The following RANBP1 variants were observed in gnomAD, a reference collection of about 807,000 sequenced individuals.
The protein encoded by RANBP1 is RAN binding protein 1, also known as ran-specific GTPase-activating protein.
A neutral mutation model predicts 31.4 loss-of-function variants in RANBP1; 16 were observed. That is an observed-to-expected ratio of 0.51 (90% confidence interval 0.34 to 0.77). RANBP1 has a LOEUF of 0.77. Ranked by LOEUF, RANBP1 falls within the 30% of genes least tolerant of loss-of-function variation. The pLI is 0.01. For missense variants in RANBP1, 265 were observed against 362.0 expected, an observed-to-expected ratio of 0.73 and a Z score of 2.17; for synonymous variants, 129 against 140.5, an observed-to-expected ratio of 0.92 and a Z score of 0.58.
At chr22:20,116,764 C>A in intron 1 of RANBP1, 1 of 1,406,514 alleles carries the variant, frequency 7.1e-7, no homozygotes, top group Non-Finnish European at 9.7e-7. Context: ...CCATTCCCGT[C>A]TCCTTTCCTC....
chr22:20,125,637 A>G, intron 4 of RANBP1: 2 of 1,461,026 alleles, frequency 1.4e-6, no homozygotes, highest in Non-Finnish European at 1.8e-6. Context: ...CTTAAACTCA[A>G]AGCTGTGCCA....
intron 3 of RANBP1, among the ~76,000 whole-genome samples, chr22:20,123,893 G>A (rs547504050): frequency 2.6e-4 from 39 of 152,182 alleles, no homozygotes; most frequent in Non-Finnish European, 4.4e-4. Flanking sequence ...TGAGTGTCAT[G>A]CGTGTCCGGC....
At position 20,125,565 on chromosome 22, in the gene RANBP1, G is replaced by A. The variant is rs373462076; in HGVS notation, c.670+129G>A. The stretch of plus-strand genomic sequence containing the variant: ...AGTAACTGGGAAGTGTGTCGTGTGG[G>A]CTGCCCTGCCCTGCTGTTTGGGGGC... On this transcript the variant is annotated intron_variant, in intron 4 of 5. Transcript: ENST00000430524. 1.0e-5 allele frequency: 16 copies of A among 1,533,558 alleles called. No individual in the cohort carries two copies. In the African/African-American group the frequency reaches 2.2e-4, roughly 21 times the overall value. 95.0% of individuals were successfully genotyped at this position (1,533,558 alleles called of 1,614,324 possible). A position where few individuals can be genotyped will look rare whatever the true frequency, so the allele number is the denominator to read the frequency against.
intron 4 of RANBP1, 135 bp downstream of exon 4, chr22:20,125,571 C>T (rs969407506): frequency 3.3e-6 from 5 of 1,530,952 alleles, no homozygotes; most frequent in Admixed American, 2.0e-5. Flanking sequence ...GTGGGCTGCC[C>T]TGCCCTGCTG....
chr22:20,116,193 G>T lies in RANBP1; in HGVS notation c.9G>T (p.Ser3=). The part of the protein sequence containing the change: MG[S]ALGRARRTLS... ...GTCGCCTCCTCCTGGCCATGGGGTC[G>T]GCCTTGGGCCGGGCCAGGCGCACAC... Residue 3 remains serine, a synonymous_variant, in exon 1 of 6, where the codon TCG becomes TCT. Transcript: ENST00000430524. The T allele has an allele frequency of 6.2e-7, 1 of 1,613,036 alleles. No individual in the cohort carries two copies. The highest frequency in any genetic ancestry group is 8.5e-7 in the Non-Finnish European group (1 of 1,179,992).
chr22:20,125,019 C>T, intron 3 of RANBP1: 1 of 394,496 alleles, frequency 2.5e-6, no homozygotes. Flanking sequence ...TGATCTTGAA[C>T]ACAGCTCAGG....
chr22:20,117,927 G>A, intron 1 of RANBP1: 1 of 1,013,776 alleles, frequency 9.9e-7, no homozygotes, highest in Non-Finnish European at 1.2e-6. Flanking sequence ...GTTGGGGAGC[G>A]GCCGTCGCCA....
intron 1 of RANBP1, 67 bp from the exon 2 acceptor site, chr22:20,118,946 A>G: frequency 6.5e-7 from 1 of 1,541,858 alleles, no homozygotes; most frequent in Non-Finnish European, 8.8e-7. Context: ...CACTGCAGGC[A>G]CTGGTTGGGC....
In RANBP1 at chr22:20,126,914, G is replaced by A. The variant is rs749509177; in HGVS notation, c.737-38G>A. 27 of 1,602,944 alleles carry A rather than the reference G, an allele frequency of 1.7e-5. 1 individual carries two copies. Among genetic ancestry groups the A allele is most frequent in the East Asian group, 1.6e-4 (7 of 44,748 alleles). On this transcript the variant is annotated intron_variant, in intron 5 of 5. Coordinates refer to ENST00000430524, the MANE Select transcript of RANBP1 (RefSeq NM_001278639.2). ...CGAGGGCCATGTGCTTGAATGCACC[G>A]TGCTTCTGTTTTCTCACTGTGCTGC... is the stretch of plus-strand genomic sequence containing the variant.
chr22:20,118,337 C>T (rs918444728), intron 1 of RANBP1: 10 of 1,002,148 alleles, frequency 1.0e-5, no homozygotes, highest in African/African-American at 3.5e-5. Flanking sequence ...AAGACTCGAA[C>T]CTAAAATATG....
chr22:20,116,831 CG>C, intron 1 of RANBP1: 23 of 1,523,466 alleles, frequency 1.5e-5, no homozygotes, highest in Non-Finnish European at 1.9e-5. Flanking sequence ...TGACCCACCC[CG>C]CCTCCTCCCA....
rs939756639 is a variant in RANBP1 at position 20,119,882 on chromosome 22, C to G, written c.383+733C>G. Among the ~76,000 whole-genome samples, 8 of 152,278 alleles carry G rather than the reference C, an allele frequency of 5.3e-5. No homozygotes were observed. In the South Asian group the frequency reaches 1.7e-3, roughly 32 times the overall value. ...ATAGGTGATGGTTTAGTTATTAAAA[C>G]CACTTAAAAAAATTCTGTACATGTG... On this transcript the variant is annotated intron_variant, in intron 2 of 5. Coordinates refer to ENST00000430524, the MANE Select transcript of RANBP1 (RefSeq NM_001278639.2).
In RANBP1 at chr22:20,116,367, C is replaced by T. The variant is rs763979167; in HGVS notation, c.183C>T (p.Arg61=). The part of the protein sequence containing the change: ...WGCRPKRPRK[R]RTSLKLAWRG... ...GCAGACCAAAGCGGCCCAGGAAGCG[C>T]CGGACGTCGCTGAAGCTGGCGTGGC... Residue 61 remains arginine, a synonymous_variant, in exon 1 of 6, where the codon CGC becomes CGT. Transcript: ENST00000430524. The T allele has an allele frequency of 6.2e-7, 1 of 1,612,464 alleles. No homozygotes were observed. The highest frequency in any genetic ancestry group is 8.5e-7 in the Non-Finnish European group (1 of 1,179,554).
intron 1 of RANBP1, chr22:20,117,411 G>A: frequency 8.3e-7 from 1 of 1,210,448 alleles, no homozygotes; most frequent in Non-Finnish European, 1.0e-6. Flanking sequence ...GCGCGGGGCG[G>A]GCCGGACAAT....
intron 1 of RANBP1, chr22:20,117,905 A>G: frequency 6.9e-6 from 7 of 1,012,812 alleles, no homozygotes; most frequent in Non-Finnish European, 8.2e-6. Context: ...CCCCCGCGTG[A>G]CCTTGGGGTG....
chr22:20,116,335 T>C lies in RANBP1; in HGVS notation c.151T>C (p.Trp51Arg). The stretch of plus-strand genomic sequence containing the variant: ...TGGTTGCCCAAAGAGTTTGGTTTTG[T>C]GGGGCTGCAGACCAAAGCGGCCCAG... The part of the protein sequence containing the change: ...QGGCPKSLVL[W>R]GCRPKRPRKR... Residue 51 changes from tryptophan to arginine, a missense_variant, in exon 1 of 6, where the codon TGG (tryptophan) becomes CGG (arginine). Coordinates refer to ENST00000430524, the MANE Select transcript of RANBP1 (RefSeq NM_001278639.2). 3.1e-6 allele frequency: 5 copies of C among 1,612,964 alleles called. No homozygotes were observed. The highest frequency in any genetic ancestry group is 4.2e-6 in the Non-Finnish European group (5 of 1,180,008).
intron 2 of RANBP1, among the ~76,000 whole-genome samples, chr22:20,120,323 GCCGTAGC>G (rs2050145803): frequency 6.6e-6 from 1 of 152,014 alleles, no homozygotes; most frequent in Admixed American, 6.6e-5. Context: ...CTGATGCATT[GCCGTAGC>G]CCCTGTTTGG....
chr22:20,127,076 C>T lies in RANBP1; in HGVS notation c.*24C>T, dbSNP rs749968013. On this transcript the variant is annotated 3_prime_UTR_variant, in exon 6 of 6. Coordinates refer to ENST00000430524, the MANE Select transcript of RANBP1 (RefSeq NM_001278639.2). Reference sequence around the variant, plus strand: ...AAATCGTCTTATTTTATTTTCTTTTCCTCTCTTTCCTTTCCTTTTTTTAAA... The same window carrying T: ...AAATCGTCTTATTTTATTTTCTTTTTCTCTCTTTCCTTTCCTTTTTTTAAA... 17 of 1,564,660 alleles carry T rather than the reference C, an allele frequency of 1.1e-5. No individual in the cohort carries two copies. In the Admixed American group the frequency reaches 1.2e-4, roughly 11 times the overall value.
rs200836816 is a variant in RANBP1 at position 20,125,278 on chromosome 22, C to T, written c.542-30C>T. 23 of 1,611,186 alleles carry T rather than the reference C, an allele frequency of 1.4e-5. No individual in the cohort carries two copies. The East Asian group carries it at 4.7e-4, about 33-fold the overall frequency. On this transcript the variant is annotated intron_variant, in intron 3 of 5. Transcript: ENST00000430524. ...GGTGGGCTGGCCTTTGCAGTCATCT[C>T]ACCATCTTCACGAGCTTCTCTCTCT...
Sources: allele counts gnomAD v4.1 joint callset (sites outside exome capture counted in the v4.1 genomes callset), GRCh38; gene constraint gnomAD v4.1.1; transcripts MANE v1.5; gene names NCBI Gene and HGNC (gene_info 2026-07-23, HGNC 2026-07-21).